The following KCTD1 variants were observed in gnomAD, a reference collection of about 807,000 sequenced individuals.
The protein encoded by KCTD1 is BTB/POZ domain-containing protein KCTD1.
In KCTD1, 24 loss-of-function variants were observed where a neutral mutation model predicts 66.0. That is an observed-to-expected ratio of 0.36 (90% CI 0.26 to 0.51). KCTD1 has a LOEUF of 0.51. Ranked by LOEUF, KCTD1 falls within the 20% of genes least tolerant of loss-of-function variation. KCTD1 has a pLI of 0.95. For synonymous variants in KCTD1, 511 were observed against 517.2 expected (o/e 0.99, Z 0.16); for missense variants, 943 against 1,205.2 (o/e 0.78, Z 3.22).
intron 2 of KCTD1, among the ~76,000 whole-genome samples, chr18:26,484,542 T>C (rs890858528): frequency 6.6e-6 from 1 of 152,208 alleles, no homozygotes; most frequent in East Asian, 1.9e-4. Flanking sequence ...AATCCTCCCC[T>C]GACTTCGGTT....
intron 1 of KCTD1, among the ~76,000 whole-genome samples, chr18:26,519,227 A>G (rs759584332): frequency 6.6e-5 from 10 of 152,208 alleles, no homozygotes; most frequent in African/African-American, 9.7e-5. Flanking sequence ...ATGGTCTTAG[A>G]TAGTCACTGC....
chr18:26,568,783 A>G (rs1986040068), intron 1 of KCTD1, among the ~76,000 whole-genome samples: 1 of 152,362 alleles, frequency 6.6e-6, no homozygotes, highest in Non-Finnish European at 1.5e-5. Flanking sequence ...AGCTTTGTAC[A>G]TTGCAAGCAA....
intron 1 of KCTD1, among the ~76,000 whole-genome samples, chr18:26,599,241 G>A (rs1986835696): frequency 6.6e-6 from 1 of 152,162 alleles, no homozygotes; most frequent in African/African-American, 2.4e-5. Flanking sequence ...ATATCCAGTT[G>A]TTCCAGCAAA....
intron 1 of KCTD1, among the ~76,000 whole-genome samples, chr18:26,521,800 G>C (rs1322935262): frequency 6.6e-6 from 1 of 152,182 alleles, no homozygotes; most frequent in Non-Finnish European, 1.5e-5. Flanking sequence ...CAGAGCAGTG[G>C]CTGCCTGCCG....
intron 1 of KCTD1, among the ~76,000 whole-genome samples, chr18:26,625,695 A>T (rs148973542): frequency 6.6e-6 from 1 of 152,346 alleles, no homozygotes; most frequent in East Asian, 1.9e-4. Context: ...ATGTCCTATA[A>T]CATTGTTCCT....
At chr18:26,456,144 G>GTGTT (rs1216989212) in intron 4 of KCTD1, 1 of 391,444 alleles carries the variant, frequency 2.6e-6, no homozygotes, top group African/African-American at 2.0e-5. Context: ...ACACTCGATG[G>GTGTT]TGTTAGGCCC....
At chr18:26,536,907 G>A (rs764734134) in intron 1 of KCTD1, among the ~76,000 whole-genome samples, 2 of 151,198 alleles carry the variant, frequency 1.3e-5, no homozygotes, top group Non-Finnish European at 2.9e-5. Context: ...ATGACTCCAT[G>A]ATCCTTTTCA....
chr18:26,548,319 C>A lies in KCTD1; in HGVS notation c.218G>T (p.Gly73Val). ...TCCGTCCTCCTCCTCCTCCTCGTCC[C>A]CCGTTATCTGCACCTCCTGGATCTC... ...EDEIQEVQIT[G>V]DEEEEEDGGG... is the part of the protein sequence containing the mutation. Residue 73 changes from glycine to valine, a missense_variant, in exon 1 of 5, where the codon GGG becomes GTG. Transcript: ENST00000580059. 6.7e-7 allele frequency: 1 copy of A among 1,499,154 alleles called. No homozygotes were observed. Among genetic ancestry groups the A allele is most frequent in the African/African-American group, 1.4e-5 (1 of 71,584 alleles). The allele number at this position is 1,499,154 out of a possible 1,614,324, so 92.9% of individuals were successfully genotyped here.
At chr18:26,637,235 C>T (rs754804606) in intron 1 of KCTD1, among the ~76,000 whole-genome samples, 3 of 152,198 alleles carry the variant, frequency 2.0e-5, no homozygotes, top group Non-Finnish European at 4.4e-5. Flanking sequence ...CTGACTCTAT[C>T]GTCTCTGGAT....
At chr18:26,528,468 CTT>C (rs1406660739) in intron 1 of KCTD1, among the ~76,000 whole-genome samples, 8 of 152,246 alleles carry the variant, frequency 5.3e-5, no homozygotes, top group Admixed American at 3.9e-4. Flanking sequence ...CGCCATCTCT[CTT>C]GCTCTTTCTA....
intron 1 of KCTD1, among the ~76,000 whole-genome samples, chr18:26,639,943 G>A (rs1987801396): frequency 6.6e-6 from 1 of 152,182 alleles, no homozygotes; most frequent in Admixed American, 6.6e-5. Flanking sequence ...GTTTAAGATA[G>A]AGTTTGGCAT....
intron 2 of KCTD1, among the ~76,000 whole-genome samples, chr18:26,495,312 T>A (rs1267624324): frequency 6.6e-6 from 1 of 152,244 alleles, no homozygotes; most frequent in African/African-American, 2.4e-5. Flanking sequence ...AATTGTTGAA[T>A]GCAATTATCC....
rs1980895094 is a variant in KCTD1 at position 26,468,862 on chromosome 18, C to A, written c.2133+7653G>T. ...ACTTTGTCTCAAAGAAACCAAAAAA[C>A]CCCAAAAGCCATGTCCCTCCCAGGT... On this transcript the variant is annotated intron_variant, in intron 3 of 4. Coordinates refer to ENST00000580059, the MANE Select transcript of KCTD1 (RefSeq NM_001142730.3). This position sits in a 1 kb window ranked among gnomAD's most constrained non-coding sequence, Gnocchi z 4.8. Among the ~76,000 whole-genome samples, 1 of 152,102 alleles carries A rather than the reference C, an allele frequency of 6.6e-6. No individual in the cohort carries two copies. The highest frequency in any genetic ancestry group is 1.5e-5 in the Non-Finnish European group (1 of 68,026).
At chr18:26,557,012 G>A (rs1232715851) in intron 1 of KCTD1, among the ~76,000 whole-genome samples, 1 of 152,176 alleles carries the variant, frequency 6.6e-6, no homozygotes, top group African/African-American at 2.4e-5. Context: ...CCTGCTAAGA[G>A]ACAGGAAGGA....
intron 2 of KCTD1, among the ~76,000 whole-genome samples, chr18:26,494,438 T>C (rs1982363344): frequency 6.6e-6 from 1 of 152,194 alleles, no homozygotes; most frequent in South Asian, 2.1e-4. Context: ...TGTATGGCTA[T>C]CTTTCCTTTA....
intron 3 of KCTD1, among the ~76,000 whole-genome samples, chr18:26,464,155 C>A (rs1173204806): frequency 6.6e-6 from 1 of 152,232 alleles, no homozygotes; most frequent in Non-Finnish European, 1.5e-5. Context: ...TATTCCCTTA[C>A]AGTTCTTCAG....
intron 1 of KCTD1, among the ~76,000 whole-genome samples, chr18:26,620,348 T>TA (rs10594272): frequency 4.0e-4 from 35 of 87,206 alleles, no homozygotes; most frequent in Admixed American, 7.8e-4. Context: ...AGGTAAATCT[T>TA]AAAAAAAAAA....
chr18:26,607,440 T>A (rs1365569019), intron 1 of KCTD1, among the ~76,000 whole-genome samples: 1 of 152,238 alleles, frequency 6.6e-6, no homozygotes, highest in Non-Finnish European at 1.5e-5. Context: ...AAGGACAACC[T>A]ATCCTATGAT....
At chr18:26,515,244 T>C (rs959205099) in intron 1 of KCTD1, among the ~76,000 whole-genome samples, 1 of 152,128 alleles carries the variant, frequency 6.6e-6, no homozygotes, top group Non-Finnish European at 1.5e-5. Context: ...ATCTCAGAAC[T>C]CCAAAGACTT....
Sources: allele counts gnomAD v4.1 joint callset (sites outside exome capture counted in the v4.1 genomes callset), GRCh38; gene constraint gnomAD v4.1.1; non-coding constraint Gnocchi (gnomAD v3.1); transcripts MANE v1.5; gene names NCBI Gene and HGNC (gene_info 2026-07-23, HGNC 2026-07-21).